Variants in EMSY observed in about 807,000 individuals in gnomAD.
The protein encoded by EMSY is EMSY transcriptional repressor, BRCA2 interacting.
Under a neutral mutation model 134.6 loss-of-function variants are expected in EMSY, and 26 were observed. The observed-to-expected ratio is 0.19, with a 90% CI of 0.14 to 0.27. The LOEUF (loss-of-function observed/expected upper bound fraction) is 0.27. Ranked by LOEUF, EMSY falls within the 10% of genes least tolerant of loss-of-function variation. The pLI, the probability that EMSY is intolerant of heterozygous loss-of-function variation, is 1.00. For synonymous variants in EMSY, 579 were observed against 577.8 expected (o/e 1.00, Z -0.03); for missense variants, 1,305 against 1,611.4 (o/e 0.81, Z 3.26).
chr11:76,527,870 G>A (rs56294280), intron 13 of EMSY, among the ~76,000 whole-genome samples: 40,946 of 151,884 alleles, frequency 0.27, 5,816 homozygotes, highest in Non-Finnish European at 0.32. Flanking sequence ...TTCAGAGGGA[G>A]GAAGTCCTGG....
At chr11:76,516,428 CTTTG>C (rs1257958634) in intron 11 of EMSY, 116 bp downstream of exon 12, 1 of 749,758 alleles carries the variant, frequency 1.3e-6, no homozygotes, top group Non-Finnish European at 2.0e-6. Context: ...AAATCTAAAG[CTTTG>C]TTTTAGTCCT....
intron 6 of EMSY, among the ~76,000 whole-genome samples, chr11:76,462,535 G>A (rs185914924): frequency 3.9e-5 from 6 of 152,338 alleles, no homozygotes; most frequent in Non-Finnish European, 7.4e-5. Flanking sequence ...CAGCTTAGGG[G>A]AGAGGTGGAT....
chr11:76,509,653 A>G (rs898722423), intron 9 of EMSY, among the ~76,000 whole-genome samples: 3 of 152,184 alleles, frequency 2.0e-5, no homozygotes, highest in African/African-American at 7.2e-5. Flanking sequence ...GATCTCTAAG[A>G]TACATTGTTA....
At chr11:76,453,411 C>T in intron 4 of EMSY, 23 bp downstream of exon 4, 1 of 1,604,108 alleles carries the variant, frequency 6.2e-7, no homozygotes, top group African/African-American at 1.3e-5. Context: ...TCGTACCATC[C>T]CTGATTTTTT....
At chr11:76,474,968 T>G (rs1372022854) in intron 8 of EMSY, among the ~76,000 whole-genome samples, 2 of 152,126 alleles carry the variant, frequency 1.3e-5, no homozygotes, top group African/African-American at 4.8e-5. Flanking sequence ...TTTGCCGTGT[T>G]GCCCAGGCTG....
intron 11 of EMSY, among the ~76,000 whole-genome samples, chr11:76,520,065 AT>A (rs545167693): frequency 2.6e-3 from 392 of 152,254 alleles, no homozygotes; most frequent in African/African-American, 9.1e-3. Flanking sequence ...CTTTTTTTTA[AT>A]GAGTAATACT....
At chr11:76,464,136 C>T (rs1413373611) in intron 7 of EMSY, 56 bp downstream of exon 8, 2 of 1,594,020 alleles carry the variant, frequency 1.3e-6, no homozygotes, top group African/African-American at 1.3e-5. Context: ...CAGTATGATT[C>T]AGATTTAATA....
chr11:76,456,767 T>C (rs1947889873), intron 4 of EMSY, among the ~76,000 whole-genome samples: 1 of 152,202 alleles, frequency 6.6e-6, no homozygotes, highest in South Asian at 2.1e-4. Flanking sequence ...GCTGGATTCA[T>C]CGGCTCTTAG....
intron 8 of EMSY, among the ~76,000 whole-genome samples, chr11:76,487,218 T>G (rs1200305986): frequency 6.6e-6 from 1 of 152,228 alleles, no homozygotes; most frequent in African/African-American, 2.4e-5. Flanking sequence ...AGGCGGAGCT[T>G]GCAGTGAGCT....
chr11:76,539,601 C>T (rs763429690), exon 17 of EMSY: 12 of 1,613,628 alleles, frequency 7.4e-6, no homozygotes, highest in Middle Eastern at 1.6e-4. Flanking sequence ...CCTTTCAGAA[C>T]GCACTGATGA....
intron 11 of EMSY, among the ~76,000 whole-genome samples, chr11:76,518,144 C>A (rs1433264363): frequency 6.7e-6 from 1 of 150,262 alleles, no homozygotes; most frequent in Non-Finnish European, 1.5e-5. Flanking sequence ...TCCCATCTTC[C>A]CCAAACAAAA....
At chr11:76,460,365 A>T in intron 6 of EMSY, 1 of 287,172 alleles carries the variant, frequency 3.5e-6, no homozygotes, top group Non-Finnish European at 6.5e-6. Flanking sequence ...ATTGTCATGA[A>T]ATAGAAATAT....
intron 14 of EMSY, among the ~76,000 whole-genome samples, chr11:76,530,587 C>T (rs1282633692): frequency 6.6e-6 from 1 of 152,172 alleles, no homozygotes; most frequent in African/African-American, 2.4e-5. Context: ...TTGCACCAAC[C>T]TAATACATCT....
At chr11:76,446,319 G>GTGTGTGTATATATATATGTATATATATA (rs1947393208) in intron 1 of EMSY, among the ~76,000 whole-genome samples, 1 of 114,324 alleles carries the variant, frequency 8.7e-6, no homozygotes, top group South Asian at 3.0e-4. Context: ...ATATGTGTGT[G>GTGTGTGTATATATATATGTATATATATA]TGTGTATATA....
At chr11:76,451,802 G>C in intron 2 of EMSY, 56 bp from the exon 3 acceptor site, 1 of 1,095,616 alleles carries the variant, frequency 9.1e-7, no homozygotes, top group Non-Finnish European at 1.3e-6. Context: ...ACTATACATA[G>C]CCATAGTATT....
Position 76,521,377 on chromosome 11 carries a change from G to A in EMSY, c.1685-1778G>A, listed in dbSNP as rs553903887. ...AGTTTAGTTTTTTAAGGATGTAATT[G>A]TCATCCACTGTGCTAAGCACTGAGG... is the stretch of plus-strand genomic sequence containing the variant. On this transcript the variant is annotated intron_variant, in intron 11 of 20. Transcript: ENST00000334736. Among the ~76,000 whole-genome samples, 5 of 152,284 alleles carry A rather than the reference G, an allele frequency of 3.3e-5. No homozygotes were observed. The South Asian group carries it at 1.0e-3, about 32-fold the overall frequency.
exon 6 of EMSY, chr11:76,460,061 A>G: frequency 1.2e-6 from 2 of 1,614,202 alleles, no homozygotes; most frequent in Admixed American, 1.7e-5. Flanking sequence ...TGTCTTGCCA[A>G]GTGGAAGTAC....
At chr11:76,458,334 C>T in exon 5 of EMSY, 1 of 1,609,774 alleles carries the variant, frequency 6.2e-7, no homozygotes, top group Non-Finnish European at 8.5e-7. Context: ...TCTTCCAGTG[C>T]CTGCAGAAAC....
intron 2 of EMSY, among the ~76,000 whole-genome samples, chr11:76,450,683 G>T (rs1473404702): frequency 1.3e-5 from 2 of 151,712 alleles, no homozygotes; most frequent in Non-Finnish European, 2.9e-5. Context: ...GTAGGGATGG[G>T]GTCTTGCCAT....
Sources: gnomAD v4.1 joint callset for allele counts (sites outside exome capture counted in the v4.1 genomes callset) on GRCh38, gnomAD v4.1.1 for gene constraint, MANE v1.5 for transcripts, NCBI Gene and HGNC (gene_info 2026-07-23, HGNC 2026-07-21) for gene names.